LGR5: variants seen among roughly 807,000 people sequenced by gnomAD.
LGR5 encodes leucine-rich repeat-containing G protein-coupled receptor 5.
In LGR5, 54 loss-of-function variants were observed where a neutral mutation model predicts 76.7. That is an observed-to-expected ratio of 0.70 (90% CI 0.57 to 0.88). The LOEUF (loss-of-function observed/expected upper bound fraction) is 0.88. Ranked by LOEUF, LGR5 falls within the 40% of genes least tolerant of loss-of-function variation. The pLI is 0.00. For synonymous variants in LGR5, 406 were observed against 421.9 expected, an observed-to-expected ratio of 0.96 and a Z score of 0.46; for missense variants, 1,078 against 1,073.3, an observed-to-expected ratio of 1.00 and a Z score of -0.06.
In LGR5 at chr12:71,487,974, T is replaced by C. The variant is rs1226485376; in HGVS notation, c.213-16640T>C. Among the ~76,000 whole-genome samples, 9 of 152,348 alleles carry C rather than the reference T, an allele frequency of 5.9e-5. No individual in the cohort carries two copies. The East Asian group carries it at 1.7e-3, about 29-fold the overall frequency. On this transcript the variant is annotated intron_variant, in intron 1 of 17. Coordinates refer to ENST00000266674, the MANE Select transcript of LGR5 (RefSeq NM_003667.4). ...ATGCTAGTCTATTATAAATAGGAAC[T>C]GAACTGCCAAGAGGAGGGTACCAAG...
At position 71,569,465 on chromosome 12, in the gene LGR5, A is replaced by G. The variant is rs142130091; in HGVS notation, c.1071-2049A>G. Reference sequence around the variant, plus strand: ...AAGGAACTTAAGCAAATTTACAAGAAAAAAACAACCCCATTAAAACGTGGG... The same window carrying G: ...AAGGAACTTAAGCAAATTTACAAGAGAAAAACAACCCCATTAAAACGTGGG... On this transcript the variant is annotated intron_variant, in intron 11 of 17. Transcript: ENST00000266674. Among the ~76,000 whole-genome samples the G allele has an allele frequency of 2.7e-3, 404 of 152,220 alleles. 1 individual carries two copies. Among genetic ancestry groups the G allele is most frequent in the African/African-American group, 9.1e-3 (378 of 41,568 alleles).
At chr12:71,521,767 A>C (rs1371729252) in intron 2 of LGR5, among the ~76,000 whole-genome samples, 2 of 152,230 alleles carry the variant, frequency 1.3e-5, no homozygotes, top group Non-Finnish European at 2.9e-5. Context: ...GGGGCAACCT[A>C]CTTTCAGACA....
chr12:71,511,012 G>A (rs1407205349), intron 2 of LGR5, among the ~76,000 whole-genome samples: 1 of 152,198 alleles, frequency 6.6e-6, no homozygotes, highest in African/African-American at 2.4e-5. Context: ...GTTAAGCCAT[G>A]TATGGAATTC....
intron 3 of LGR5, among the ~76,000 whole-genome samples, chr12:71,529,192 A>T (rs10784923): frequency 4.6e-5 from 7 of 152,060 alleles, no homozygotes; most frequent in East Asian, 3.9e-4. Context: ...ATATCGTATT[A>T]GTCCATTTTC....
At chr12:71,553,322 T>C in intron 5 of LGR5, 34 bp downstream of exon 5, 2 of 1,556,430 alleles carry the variant, frequency 1.3e-6, no homozygotes, top group Non-Finnish European at 1.8e-6. Flanking sequence ...CTTTTAACAG[T>C]TTCTAATGTC....
intron 11 of LGR5, among the ~76,000 whole-genome samples, chr12:71,569,143 C>T (rs1055745406): frequency 6.6e-6 from 1 of 152,096 alleles, no homozygotes; most frequent in Non-Finnish European, 1.5e-5. Flanking sequence ...TTCCTTACAC[C>T]TTATACAAAA....
chr12:71,478,657 A>G (rs1458708272), intron 1 of LGR5, among the ~76,000 whole-genome samples: 1 of 152,168 alleles, frequency 6.6e-6, no homozygotes, highest in African/African-American at 2.4e-5. Context: ...TTTGTCTCTC[A>G]TTTTTCCAAT....
At chr12:71,477,286 G>T (rs1873378449) in intron 1 of LGR5, among the ~76,000 whole-genome samples, 1 of 152,006 alleles carries the variant, frequency 6.6e-6, no homozygotes, top group South Asian at 2.1e-4. Flanking sequence ...TGAAGACAGT[G>T]ACCCCTGAGA....
rs1874778833 is a variant in LGR5 at position 71,504,764 on chromosome 12, A to G, written c.284+79A>G. 6.0e-6 allele frequency: 7 copies of G among 1,175,300 alleles called. No individual in the cohort carries two copies. The Admixed American group carries it at 8.4e-5, about 14-fold the overall frequency. 72.8% of individuals were successfully genotyped at this position (1,175,300 alleles called of 1,614,324 possible). On this transcript the variant is annotated intron_variant, in intron 2 of 17. Transcript: ENST00000266674. ...GTTTGTCTCTCATACTTACTGTGGG[A>G]ACCAGATAAAACAAGGCAGAAAACC...
chr12:71,586,181 T>C lies in LGR5; in HGVS notation c.*1447T>C, dbSNP rs1311390896. 52 of 152,312 alleles carry C rather than the reference T, an allele frequency of 3.4e-4. No individual in the cohort carries two copies. The highest frequency in any genetic ancestry group is 1.8e-4 in the Non-Finnish European group (12 of 68,022). The allele number at this position is 152,312 out of a possible 1,614,324, so 9.4% of individuals were successfully genotyped here. ...TATTCTTTGATTTATATTGTGTTTC[T>C]CTGCCCATTTTCTTTAAATTCATTA... is the stretch of plus-strand genomic sequence containing the variant. On this transcript the variant is annotated 3_prime_UTR_variant, in exon 18 of 18. Transcript: ENST00000266674.
chr12:71,513,983 T>C (rs1875300373), intron 2 of LGR5, among the ~76,000 whole-genome samples: 1 of 152,094 alleles, frequency 6.6e-6, no homozygotes. Context: ...AGACTACTTA[T>C]AAAAGGGTAC....
At chr12:71,482,885 G>A (rs745817384) in intron 1 of LGR5, among the ~76,000 whole-genome samples, 26 of 152,092 alleles carry the variant, frequency 1.7e-4, no homozygotes, top group Non-Finnish European at 2.9e-5. Context: ...CACAGTCTTC[G>A]TTAGGACTCT....
chr12:71,502,193 C>CTTTTT (rs776486573), intron 1 of LGR5, among the ~76,000 whole-genome samples: 11 of 123,156 alleles, frequency 8.9e-5, no homozygotes, highest in Admixed American at 2.5e-4. Flanking sequence ...AGGTACTTTC[C>CTTTTT]TTTTTTTTTT....
At chr12:71,517,984 C>G (rs75452099) in intron 2 of LGR5, among the ~76,000 whole-genome samples, 7,207 of 152,230 alleles carry the variant, frequency 0.047, 220 homozygotes, top group Middle Eastern at 0.11. Flanking sequence ...CATGCCACCT[C>G]TGCCACTGCT....
intron 1 of LGR5, among the ~76,000 whole-genome samples, chr12:71,479,800 G>A (rs1024816414): frequency 2.0e-5 from 3 of 151,328 alleles, no homozygotes; most frequent in African/African-American, 7.3e-5. Context: ...CTTCACAGTG[G>A]TGGGTATAAC....
chr12:71,514,342 G>A (rs1875322525), intron 2 of LGR5, among the ~76,000 whole-genome samples: 1 of 152,008 alleles, frequency 6.6e-6, no homozygotes, highest in African/African-American at 2.4e-5. Flanking sequence ...GCCGAGGCAG[G>A]TGGATCACGA....
At chr12:71,512,593 T>C (rs1875214278) in intron 2 of LGR5, among the ~76,000 whole-genome samples, 1 of 152,182 alleles carries the variant, frequency 6.6e-6, no homozygotes, top group Non-Finnish European at 1.5e-5. Context: ...CACTGGAATA[T>C]ATGAAAGCAC....
intron 3 of LGR5, 127 bp downstream of exon 3, chr12:71,524,604 G>T: frequency 1.7e-6 from 1 of 590,780 alleles, no homozygotes; most frequent in Non-Finnish European, 2.9e-6. Flanking sequence ...CTAAATTCAA[G>T]TTTACTTCAT....
intron 4 of LGR5, among the ~76,000 whole-genome samples, chr12:71,536,695 CA>C (rs1876605454): frequency 6.6e-6 from 1 of 152,174 alleles, no homozygotes; most frequent in Admixed American, 6.5e-5. Context: ...AGTTTGTAAC[CA>C]AAAGCCACTA....
Sources: gnomAD v4.1 joint callset for allele counts (sites outside exome capture counted in the v4.1 genomes callset) on GRCh38, gnomAD v4.1.1 for gene constraint, MANE v1.5 for transcripts, NCBI Gene and HGNC (gene_info 2026-07-23, HGNC 2026-07-21) for gene names.